The following DLEU7 variants were observed in gnomAD, a reference collection of about 807,000 sequenced individuals.
DLEU7 encodes the protein deleted in lymphocytic leukemia 7.
DLEU7 carries 17 observed loss-of-function variants against 16.0 expected under a neutral mutation model. The ratio of observed to expected loss-of-function variants is 1.06; its 90% CI spans 0.73 to 1.59. The LOEUF is 1.59. Ranked by LOEUF, DLEU7 falls within the 40% of genes most tolerant of loss-of-function variation. The pLI is 0.00. For synonymous variants in DLEU7, 113 were observed against 139.8 expected (o/e 0.81, Z 1.35); for missense variants, 308 against 314.9 (o/e 0.98, Z 0.17).
intron 1 of DLEU7, chr13:50,719,747 T>C (rs1434576710): frequency 6.6e-6 from 1 of 152,216 alleles, no homozygotes; most frequent in African/African-American, 2.4e-5. Flanking sequence ...CAGTAGGAAT[T>C]AATACGTGGT....
intron 1 of DLEU7, among the ~76,000 whole-genome samples, chr13:50,751,030 C>T (rs1056227951): frequency 6.6e-6 from 1 of 152,164 alleles, no homozygotes; most frequent in African/African-American, 2.4e-5. Flanking sequence ...AGAGGGAATG[C>T]TTTCAACTTT....
intron 1 of DLEU7, among the ~76,000 whole-genome samples, chr13:50,803,386 GGTT>G (rs1451617615): frequency 2.0e-5 from 3 of 151,994 alleles, no homozygotes; most frequent in African/African-American, 7.2e-5. Flanking sequence ...TTTTTTATTA[GGTT>G]GTTAGACATT....
intron 1 of DLEU7, among the ~76,000 whole-genome samples, chr13:50,810,275 G>A (rs975186098): frequency 1.1e-4 from 16 of 151,544 alleles, no homozygotes; most frequent in African/African-American, 3.9e-4. Context: ...TTTCCCCCAG[G>A]TTTGGGATTT....
chr13:50,781,552 T>C (rs770010196), intron 1 of DLEU7, among the ~76,000 whole-genome samples: 8 of 152,198 alleles, frequency 5.3e-5, no homozygotes, highest in Non-Finnish European at 1.0e-4. Flanking sequence ...CTCAGTCCCT[T>C]GTTCCCCACA....
chr13:50,716,297 G>A (rs1012778886), intron 1 of DLEU7, among the ~76,000 whole-genome samples: 1 of 152,174 alleles, frequency 6.6e-6, no homozygotes, highest in Non-Finnish European at 1.5e-5. Flanking sequence ...AGGAACTCAA[G>A]CCCTTGTTTC....
intron 1 of DLEU7, among the ~76,000 whole-genome samples, chr13:50,743,571 G>T (rs1017108716): frequency 1.3e-5 from 2 of 152,162 alleles, no homozygotes; most frequent in Non-Finnish European, 2.9e-5. Flanking sequence ...GGAATAAAAA[G>T]TATGTTGAAC....
At chr13:50,811,604 G>A (rs536830675) in intron 1 of DLEU7, among the ~76,000 whole-genome samples, 57 of 152,258 alleles carry the variant, frequency 3.7e-4, no homozygotes, top group African/African-American at 1.4e-3. Flanking sequence ...GTTTAGCATT[G>A]AGGCTCCCTT....
In DLEU7 at chr13:50,823,391, C is replaced by A; in HGVS notation, c.589G>T (p.Ala197Ser). ...TIVKKLIQSL[A>S]NFPSDAHMVA... ...ATGTGGGCATCTGAAGGAAAATTAG[C>A]AAGTGACTGAATCAGCTTCTTGACT... is the stretch of plus-strand genomic sequence containing the variant. The change falls in exon 2 of 2, where the codon GCT becomes TCT. Residue 197 changes from alanine to serine, a missense_variant. Physicochemically the swap from Ala to Ser is moderately conservative, Grantham distance 99. Transcript: ENST00000504404. The A allele has an allele frequency of 6.5e-7, 1 of 1,535,860 alleles. No homozygotes were observed. The highest frequency in any genetic ancestry group is 2.0e-5 in the Admixed American group (1 of 50,990).
At chr13:50,737,320 A>G (rs2137721892) in intron 1 of DLEU7, among the ~76,000 whole-genome samples, 1 of 152,326 alleles carries the variant, frequency 6.6e-6, no homozygotes, top group South Asian at 2.1e-4. Flanking sequence ...AGATCAGTTT[A>G]ACATTTGAAA....
Position 50,798,228 on chromosome 13 carries a change from A to T in DLEU7, c.459+44960T>A, listed in dbSNP as rs1224231292. 2.0e-5 allele frequency among the ~76,000 whole-genome samples: 3 copies of T among 152,346 alleles called. No individual in the cohort carries two copies. The East Asian group carries it at 5.8e-4, about 29-fold the overall frequency. ...AGTCATTGAAAGTGACCTAACCCAC[A>T]TGAAATGAAATGTATATTTACAACT... On this transcript the variant is annotated intron_variant, in intron 1 of 1. Coordinates refer to the DLEU7 transcript ENST00000400393.
downstream of DLEU7, among the ~76,000 whole-genome samples, chr13:50,821,636 G>C (rs534691496): frequency 5.3e-5 from 8 of 152,072 alleles, no homozygotes; most frequent in African/African-American, 1.9e-4. Context: ...GGATGAATAG[G>C]ATTTTTGTCA....
intron 1 of DLEU7, among the ~76,000 whole-genome samples, chr13:50,732,709 A>C (rs1379551225): frequency 1.3e-5 from 2 of 152,128 alleles, no homozygotes; most frequent in Non-Finnish European, 2.9e-5. Flanking sequence ...CACTATGTTA[A>C]ATTTCTTTGA....
chr13:50,816,648 G>A (rs1483614098), intron 1 of DLEU7, among the ~76,000 whole-genome samples: 1 of 152,094 alleles, frequency 6.6e-6, no homozygotes, highest in African/African-American at 2.4e-5. Flanking sequence ...GAATGAGGCT[G>A]TGTATAAAAG....
chr13:50,784,188 T>TA (rs1171448346), intron 1 of DLEU7, among the ~76,000 whole-genome samples: 1 of 152,206 alleles, frequency 6.6e-6, no homozygotes, highest in Non-Finnish European at 1.5e-5. Context: ...CATGTTGTAT[T>TA]AAGATATATT....
chr13:50,790,843 G>A (rs1267185741), intron 1 of DLEU7, among the ~76,000 whole-genome samples: 1 of 152,164 alleles, frequency 6.6e-6, no homozygotes, highest in Non-Finnish European at 1.5e-5. Context: ...AACCAGGGCT[G>A]AGGCTTTGTG....
intron 1 of DLEU7, among the ~76,000 whole-genome samples, chr13:50,776,817 G>T (rs9596362): frequency 0.01 from 1,525 of 152,160 alleles, 24 homozygotes; most frequent in African/African-American, 0.035. Context: ...CCATGTTCTG[G>T]AATAGAAATC....
intron 1 of DLEU7, among the ~76,000 whole-genome samples, chr13:50,729,014 ATATT>A (rs1555288259): frequency 6.6e-6 from 1 of 151,884 alleles, no homozygotes; most frequent in Non-Finnish European, 1.5e-5. Context: ...TCTATCAGAT[ATATT>A]TATTTATTTA....
chr13:50,775,565 A>G (rs1875469235), intron 1 of DLEU7, among the ~76,000 whole-genome samples: 1 of 151,994 alleles, frequency 6.6e-6, no homozygotes, highest in African/African-American at 2.4e-5. Context: ...GGAATCGGCC[A>G]ATTATTTGAG....
chr13:50,718,961 A>G (rs949452525), intron 1 of DLEU7, among the ~76,000 whole-genome samples: 1 of 152,204 alleles, frequency 6.6e-6, no homozygotes, highest in South Asian at 2.1e-4. Context: ...TGTTTCTGTA[A>G]TGAGGTCTTC....
Sources: gnomAD v4.1 joint callset for allele counts (sites outside exome capture counted in the v4.1 genomes callset) on GRCh38, gnomAD v4.1.1 for gene constraint, MANE v1.5 for transcripts, NCBI Gene and HGNC (gene_info 2026-07-23, HGNC 2026-07-21) for gene names.